Variants in RGL1 observed in about 807,000 individuals in gnomAD.
RGL1 encodes ral guanine nucleotide dissociation stimulator like 1.
In RGL1, 24 loss-of-function variants were observed where a neutral mutation model predicts 95.2. The observed-to-expected ratio is 0.25, with a 90% confidence interval of 0.18 to 0.35. The LOEUF (loss-of-function observed/expected upper bound fraction) is 0.35. RGL1 is among the 10% of genes least tolerant of loss of function. RGL1 has a pLI of 1.00. For missense variants in RGL1, 715 were observed against 936.3 expected (o/e 0.76, Z 3.08); for synonymous variants, 329 against 344.9 (o/e 0.95, Z 0.51).
chr1:183,639,314 A>G (rs12045319), intron 1 of RGL1, among the ~76,000 whole-genome samples: 10,078 of 151,284 alleles, frequency 0.067, 593 homozygotes, highest in African/African-American at 0.16. Context: ...AAGACGTTGA[A>G]TCCTGCAACG....
intron 1 of RGL1, among the ~76,000 whole-genome samples, chr1:183,641,270 G>T (rs1351806279): frequency 6.6e-6 from 1 of 152,150 alleles, no homozygotes. Context: ...AAGTAGCTGA[G>T]ACCACAGGAG....
At chr1:183,733,514 G>A (rs1656755329) in intron 1 of RGL1, among the ~76,000 whole-genome samples, 1 of 152,122 alleles carries the variant, frequency 6.6e-6, no homozygotes, top group Non-Finnish European at 1.5e-5. Context: ...GCCATGTTGA[G>A]CCAGTAGTAG....
At chr1:183,680,742 G>A (rs893838194) in intron 1 of RGL1, among the ~76,000 whole-genome samples, 1 of 152,136 alleles carries the variant, frequency 6.6e-6, no homozygotes, top group Non-Finnish European at 1.5e-5. Flanking sequence ...GTTAGGGATA[G>A]CATTGAATCT....
intron 1 of RGL1, among the ~76,000 whole-genome samples, chr1:183,730,645 A>C (rs575024857): frequency 6.6e-6 from 1 of 152,256 alleles, no homozygotes; most frequent in South Asian, 2.1e-4. Flanking sequence ...TAATTTGGAG[A>C]GTACAGAACA....
At chr1:183,770,459 G>C (rs1659216471) in intron 2 of RGL1, among the ~76,000 whole-genome samples, 1 of 152,122 alleles carries the variant, frequency 6.6e-6, no homozygotes, top group African/African-American at 2.4e-5. Flanking sequence ...AAAACACCAG[G>C]GGTTCAGTCT....
intron 1 of RGL1, among the ~76,000 whole-genome samples, chr1:183,649,096 TAAATTTGGGCTTGGCC>T (rs1488156900): frequency 6.6e-6 from 1 of 152,258 alleles, no homozygotes; most frequent in Admixed American, 6.5e-5. Context: ...TGTCTGGTTT[TAAATTTGGGCTTGGCC>T]AATTATCAGC....
At chr1:183,726,830 A>G (rs936946352) in intron 1 of RGL1, among the ~76,000 whole-genome samples, 7 of 152,144 alleles carry the variant, frequency 4.6e-5, no homozygotes, top group Non-Finnish European at 8.8e-5. Context: ...GAGCATCCCA[A>G]ATCCAAAAAT....
intron 2 of RGL1, among the ~76,000 whole-genome samples, chr1:183,832,166 G>A (rs186307020): frequency 8.5e-5 from 13 of 152,284 alleles, no homozygotes; most frequent in African/African-American, 3.1e-4. Flanking sequence ...GTAAATTAAG[G>A]CAAAGGCAAT....
At chr1:183,813,926 T>C (rs1226618580) in intron 2 of RGL1, among the ~76,000 whole-genome samples, 1 of 152,226 alleles carries the variant, frequency 6.6e-6, no homozygotes, top group Non-Finnish European at 1.5e-5. Flanking sequence ...TTAAAATGTC[T>C]TTTCACATTT....
chr1:183,735,078 T>A (rs1656857226), intron 1 of RGL1, among the ~76,000 whole-genome samples: 1 of 151,996 alleles, frequency 6.6e-6, no homozygotes, highest in African/African-American at 2.4e-5. Flanking sequence ...CTTTTTTTTT[T>A]AATTATTAAA....
intron 2 of RGL1, among the ~76,000 whole-genome samples, chr1:183,843,396 T>A (rs755072424): frequency 6.6e-6 from 1 of 152,228 alleles, no homozygotes; most frequent in Non-Finnish European, 1.5e-5. Flanking sequence ...ATATTGAAAT[T>A]TTTTCCGAGT....
At chr1:183,787,243 C>G (rs761502581) in intron 2 of RGL1, among the ~76,000 whole-genome samples, 1 of 152,184 alleles carries the variant, frequency 6.6e-6, no homozygotes, top group Non-Finnish European at 1.5e-5. Flanking sequence ...GCTTGCATTG[C>G]TCTCTTCTTC....
chr1:183,738,568 C>G (rs7552987), intron 1 of RGL1, among the ~76,000 whole-genome samples: 70,743 of 152,042 alleles, frequency 0.47, 17,383 homozygotes, highest in East Asian at 0.8. Context: ...CTCTTTTTAG[C>G]GGAATAGGTA....
At chr1:183,868,680 C>T (rs554756713) in intron 4 of RGL1, among the ~76,000 whole-genome samples, 25 of 152,238 alleles carry the variant, frequency 1.6e-4, no homozygotes, top group Admixed American at 3.9e-4. Context: ...AGGAGAGATA[C>T]TGTAAGAATT....
intron 4 of RGL1, among the ~76,000 whole-genome samples, chr1:183,878,680 A>G (rs1414033998): frequency 2.0e-5 from 3 of 152,208 alleles, no homozygotes; most frequent in Non-Finnish European, 4.4e-5. Flanking sequence ...GAGTTTTATC[A>G]TAATAATTAA....
intron 2 of RGL1, among the ~76,000 whole-genome samples, chr1:183,826,566 A>T (rs1662875776): frequency 6.6e-6 from 1 of 152,206 alleles, no homozygotes; most frequent in Non-Finnish European, 1.5e-5. Flanking sequence ...TGTAAGAAGA[A>T]GATGATGATG....
At chr1:183,912,584 G>T (rs1668712211) in intron 15 of RGL1, among the ~76,000 whole-genome samples, 1 of 152,224 alleles carries the variant, frequency 6.6e-6, no homozygotes, top group African/African-American at 2.4e-5. Flanking sequence ...AGATGTGTCA[G>T]GTTCTTGGTG....
chr1:183,860,670 CA>C (rs1278222263), intron 3 of RGL1, among the ~76,000 whole-genome samples: 1 of 152,184 alleles, frequency 6.6e-6, no homozygotes, highest in African/African-American at 2.4e-5. Context: ...TCTGGCCCTC[CA>C]TTATACCAGG....
intron 14 of RGL1, among the ~76,000 whole-genome samples, chr1:183,907,476 T>C (rs11586086): frequency 0.26 from 39,544 of 152,062 alleles, 5,516 homozygotes; most frequent in Non-Finnish European, 0.3. Context: ...AAACCCAAAC[T>C]CTGTATCCTG....
Sources: allele counts gnomAD v4.1 joint callset (sites outside exome capture counted in the v4.1 genomes callset), GRCh38; gene constraint gnomAD v4.1.1; transcripts MANE v1.5; gene names NCBI Gene and HGNC (gene_info 2026-07-23, HGNC 2026-07-21).